Variants in GABPB1 observed in about 807,000 individuals in gnomAD.
GABPB1 encodes the protein GA binding protein transcription factor subunit beta 1.
Under a neutral mutation model 45.9 loss-of-function variants are expected in GABPB1, and 15 were observed. That is an observed-to-expected ratio of 0.33 (90% confidence interval 0.22 to 0.50). GABPB1 has a LOEUF of 0.50. Ranked by LOEUF, GABPB1 falls within the 20% of genes least tolerant of loss-of-function variation. GABPB1 has a pLI of 0.98. For synonymous variants in GABPB1, 143 were observed against 154.4 expected, an observed-to-expected ratio of 0.93 and a Z score of 0.55; for missense variants, 252 against 457.5, an observed-to-expected ratio of 0.55 and a Z score of 4.10.
intron 1 of GABPB1, among the ~76,000 whole-genome samples, chr15:50,324,453 G>A (rs528897919): frequency 2.0e-5 from 3 of 151,732 alleles, no homozygotes; most frequent in Admixed American, 1.3e-4. Flanking sequence ...GCTAGTAGGT[G>A]AGAAATTCAG....
At chr15:50,299,713 C>A (rs138317637) in intron 6 of GABPB1, among the ~76,000 whole-genome samples, 346 of 152,272 alleles carry the variant, frequency 2.3e-3, no homozygotes, top group Admixed American at 3.6e-3. Flanking sequence ...AACCCTTTAA[C>A]AGTGGTTTCT....
At chr15:50,282,290 G>A (rs2046001852) in intron 8 of GABPB1, 2 of 455,384 alleles carry the variant, frequency 4.4e-6, no homozygotes, top group Non-Finnish European at 8.8e-6. Context: ...TGGATATGGT[G>A]ACTTATGCCA....
intron 1 of GABPB1, among the ~76,000 whole-genome samples, chr15:50,322,973 G>A (rs1375393673): frequency 2.0e-5 from 3 of 152,150 alleles, no homozygotes; most frequent in African/African-American, 7.2e-5. Flanking sequence ...AGGCTACAGT[G>A]AGCCATGATC....
At chr15:50,321,766 AG>A (rs1444612731) in intron 1 of GABPB1, among the ~76,000 whole-genome samples, 4 of 152,140 alleles carry the variant, frequency 2.6e-5, no homozygotes, top group African/African-American at 9.7e-5. Context: ...GGCACACAGT[AG>A]AAACTCCAGA....
chr15:50,283,767 C>T (rs1419486928), intron 8 of GABPB1, among the ~76,000 whole-genome samples: 1 of 152,188 alleles, frequency 6.6e-6, no homozygotes, highest in African/African-American at 2.4e-5. Context: ...CCACCTTGGC[C>T]TCCCAAAGTG....
intron 1 of GABPB1, chr15:50,353,593 G>A (rs1385979989): frequency 6.6e-6 from 1 of 151,316 alleles, no homozygotes; most frequent in Non-Finnish European, 1.5e-5. Flanking sequence ...AAAAAACCAA[G>A]AGAAAAGAAA....
intron 4 of GABPB1, among the ~76,000 whole-genome samples, chr15:50,302,643 CAAAA>C (rs60408137): frequency 6.4e-5 from 4 of 62,182 alleles, no homozygotes; most frequent in Non-Finnish European, 1.2e-4. Context: ...GACTCTGGCT[CAAAA>C]AAAAAAAAAA....
At chr15:50,281,472 A>G (rs1217390696) in intron 8 of GABPB1, among the ~76,000 whole-genome samples, 2 of 152,190 alleles carry the variant, frequency 1.3e-5, no homozygotes, top group African/African-American at 4.8e-5. Flanking sequence ...TGGCCTCCCA[A>G]AGTGCTAGGA....
In GABPB1 at chr15:50,302,866, G is replaced by A. The variant is rs1015255962; in HGVS notation, c.471+63C>T. ...ATAGTTTAAATCATGCACAATATAA[G>A]AGATCCCTCTACTGATAAGGCTTCT... On this transcript the variant is annotated intron_variant, in intron 4 of 8. Transcript: ENST00000380877. 9 of 1,078,398 alleles carry A rather than the reference G, an allele frequency of 8.3e-6. 1 individual carries two copies. Among genetic ancestry groups the A allele is most frequent in the Middle Eastern group, 4.8e-4 (2 of 4,180 alleles). 66.8% of individuals were successfully genotyped at this position (1,078,398 alleles called of 1,614,324 possible).
intron 8 of GABPB1, 95 bp from the exon 9 acceptor site, chr15:50,278,879 T>C (rs1369571465): frequency 2.0e-6 from 2 of 979,184 alleles, no homozygotes; most frequent in African/African-American, 1.7e-5. Context: ...AAAAAAACCG[T>C]AGTAGCTAAA....
intron 4 of GABPB1, among the ~76,000 whole-genome samples, chr15:50,302,679 G>T: frequency 7.4e-6 from 1 of 134,574 alleles, no homozygotes; most frequent in African/African-American, 2.6e-5. Flanking sequence ...AGGTCTAAAG[G>T]GAAATTCAGA....
intron 1 of GABPB1, chr15:50,347,460 T>C (rs1266921658): frequency 3.3e-5 from 5 of 152,114 alleles, no homozygotes; most frequent in African/African-American, 4.8e-5. Flanking sequence ...TGTGTCATCC[T>C]TGTGCAGGGA....
chr15:50,283,482 T>C (rs566390138), intron 8 of GABPB1, among the ~76,000 whole-genome samples: 15 of 152,106 alleles, frequency 9.9e-5, no homozygotes, highest in African/African-American at 1.9e-4. Flanking sequence ...CCATTGTTAG[T>C]TGGGAAACTG....
intron 1 of GABPB1, among the ~76,000 whole-genome samples, chr15:50,322,903 C>G (rs900634294): frequency 3.3e-5 from 5 of 152,034 alleles, no homozygotes; most frequent in African/African-American, 1.2e-4. Flanking sequence ...GTGGCACATG[C>G]CTGTAGTCCC....
At chr15:50,316,657 TCAAA>T (rs1409927218) in intron 1 of GABPB1, among the ~76,000 whole-genome samples, 1 of 152,072 alleles carries the variant, frequency 6.6e-6, no homozygotes, top group Non-Finnish European at 1.5e-5. Context: ...GTAATTCTAC[TCAAA>T]TAAACCCATC....
At chr15:50,282,393 T>TATGAAA (rs1240278513) in intron 8 of GABPB1, 1 of 409,720 alleles carries the variant, frequency 2.4e-6, no homozygotes, top group Non-Finnish European at 4.7e-6. Flanking sequence ...ACACCCTCTC[T>TATGAAA]ATGAAAATAA....
At chr15:50,318,901 G>T (rs1443858183) in intron 1 of GABPB1, among the ~76,000 whole-genome samples, 1 of 152,160 alleles carries the variant, frequency 6.6e-6, no homozygotes, top group African/African-American at 2.4e-5. Context: ...ACAGAGATAT[G>T]CACACGCATT....
At chr15:50,330,490 G>A (rs953534037) in intron 1 of GABPB1, among the ~76,000 whole-genome samples, 12 of 151,882 alleles carry the variant, frequency 7.9e-5, no homozygotes, top group Non-Finnish European at 1.6e-4. Flanking sequence ...TCTGAATATA[G>A]GGCCCTGACA....
In GABPB1 at chr15:50,342,810, T is replaced by C. The variant is rs532827282; in HGVS notation, c.-1+12175A>G. 9.8e-5 allele frequency among the ~76,000 whole-genome samples: 15 copies of C among 152,368 alleles called. No individual in the cohort carries two copies. In the South Asian group the frequency reaches 2.9e-3, roughly 29 times the overall value. On this transcript the variant is annotated intron_variant, in intron 1 of 8. Coordinates refer to ENST00000380877, the MANE Select transcript of GABPB1 (RefSeq NM_016654.5). Reference sequence around the variant, plus strand: ...AACAATCATCTGAGAGCTACTTCTATAGTTGTTAGATAGGTTTCAAGGTTT... The same window carrying C: ...AACAATCATCTGAGAGCTACTTCTACAGTTGTTAGATAGGTTTCAAGGTTT...
Sources: gnomAD v4.1 joint callset for allele counts (sites outside exome capture counted in the v4.1 genomes callset) on GRCh38, gnomAD v4.1.1 for gene constraint, MANE v1.5 for transcripts, NCBI Gene and HGNC (gene_info 2026-07-23, HGNC 2026-07-21) for gene names.